The following CDYL variants were observed in gnomAD, a reference collection of about 807,000 sequenced individuals.
The protein encoded by CDYL is chromodomain Y-like protein.
A neutral mutation model predicts 47.3 loss-of-function variants in CDYL; 8 were observed. The ratio of observed to expected loss-of-function variants is 0.17; its 90% confidence interval spans 0.10 to 0.31. CDYL has a LOEUF of 0.31. Ranked by LOEUF, CDYL falls within the 10% of genes least tolerant of loss-of-function variation. CDYL has a pLI of 1.00. For synonymous variants in CDYL, 266 were observed against 265.0 expected, an observed-to-expected ratio of 1.00 and a Z score of -0.04; for missense variants, 471 against 701.4, an observed-to-expected ratio of 0.67 and a Z score of 3.71.
intron 1 of CDYL, among the ~76,000 whole-genome samples, chr6:4,885,528 C>G (rs947228045): frequency 8.5e-5 from 13 of 152,106 alleles, no homozygotes; most frequent in African/African-American, 1.2e-4. Flanking sequence ...GGAGTATATC[C>G]CCCACTGATA....
chr6:4,906,181 G>T (rs530276708), intron 2 of CDYL, among the ~76,000 whole-genome samples: 1 of 152,256 alleles, frequency 6.6e-6, no homozygotes, highest in African/African-American at 2.4e-5. Context: ...ATGGAAAACC[G>T]GATGGAGATT....
At chr6:4,837,918 C>A in intron 1 of CDYL, among the ~76,000 whole-genome samples, 1 of 151,366 alleles carries the variant, frequency 6.6e-6, no homozygotes, top group East Asian at 1.9e-4. Context: ...GGACTACAGG[C>A]GTGCACCAAC....
At chr6:4,792,560 A>G (rs1273770128) in intron 1 of CDYL, among the ~76,000 whole-genome samples, 2 of 151,754 alleles carry the variant, frequency 1.3e-5, no homozygotes. Flanking sequence ...CCTCCTGAGT[A>G]AAGTAGCTGG....
chr6:4,781,785 A>G (rs1758625140), intron 1 of CDYL, among the ~76,000 whole-genome samples: 1 of 152,180 alleles, frequency 6.6e-6, no homozygotes, highest in Non-Finnish European at 1.5e-5. Context: ...ACAGTTTTGG[A>G]TAACTGTGAT....
chr6:4,786,852 T>C (rs1422199304), intron 1 of CDYL, among the ~76,000 whole-genome samples: 2 of 152,210 alleles, frequency 1.3e-5, no homozygotes, highest in Admixed American at 1.3e-4. Context: ...CTGAGTGTTA[T>C]TGTCTGCATG....
chr6:4,939,207 A>T (rs9328279), intron 4 of CDYL, among the ~76,000 whole-genome samples: 37,559 of 152,188 alleles, frequency 0.25, 5,245 homozygotes, highest in Middle Eastern at 0.35. Flanking sequence ...CCAGCTGAGC[A>T]CTGCCCTTGG....
chr6:4,755,318 G>A (rs1354297178), intron 3 of CDYL, among the ~76,000 whole-genome samples: 4 of 151,280 alleles, frequency 2.6e-5, no homozygotes, highest in Non-Finnish European at 5.9e-5. Flanking sequence ...TGATCCACCT[G>A]CCTCGGCCTC....
intron 1 of CDYL, among the ~76,000 whole-genome samples, chr6:4,788,390 G>A (rs1020243863): frequency 1.4e-5 from 2 of 148,034 alleles, no homozygotes; most frequent in Admixed American, 6.8e-5. Flanking sequence ...GGCTGAGGCA[G>A]GAGAATCACT....
chr6:4,892,625 A>G (rs916846045), intron 2 of CDYL, among the ~76,000 whole-genome samples: 1 of 151,906 alleles, frequency 6.6e-6, no homozygotes, highest in African/African-American at 2.4e-5. Flanking sequence ...TGCTTTAAAC[A>G]GTATCTCCCT....
At chr6:4,760,309 C>G (rs915949214) in intron 3 of CDYL, among the ~76,000 whole-genome samples, 1 of 151,376 alleles carries the variant, frequency 6.6e-6, no homozygotes, top group African/African-American at 2.4e-5. Context: ...CCCTTTGGAG[C>G]TCCCCCTTGA....
intron 2 of CDYL, among the ~76,000 whole-genome samples, chr6:4,926,899 C>T (rs1041466078): frequency 1.3e-5 from 2 of 152,198 alleles, no homozygotes; most frequent in African/African-American, 4.8e-5. Context: ...AGGTACCACA[C>T]ACCTTTCAGG....
At chr6:4,853,211 C>G (rs1192715910) in intron 1 of CDYL, among the ~76,000 whole-genome samples, 1 of 152,146 alleles carries the variant, frequency 6.6e-6, no homozygotes, top group Non-Finnish European at 1.5e-5. Flanking sequence ...ATTCCGTAGC[C>G]ATTACTGAGC....
intron 1 of CDYL, among the ~76,000 whole-genome samples, chr6:4,866,438 T>C (rs900439505): frequency 1.3e-5 from 2 of 152,086 alleles, no homozygotes; most frequent in South Asian, 2.1e-4. Context: ...TCTACAGGAA[T>C]AGCAAGTATT....
chr6:4,777,016 C>A (rs1458227703), intron 1 of CDYL, among the ~76,000 whole-genome samples: 1 of 100,590 alleles, frequency 9.9e-6, no homozygotes, highest in African/African-American at 3.8e-5. Context: ...AGTTGCCGGG[C>A]GTGGGGTGGG....
chr6:4,876,604 G>T (rs550429182), intron 1 of CDYL, among the ~76,000 whole-genome samples: 2 of 152,204 alleles, frequency 1.3e-5, no homozygotes, highest in African/African-American at 4.8e-5. Flanking sequence ...ATGTTTAATT[G>T]ATAAGTAAAA....
chr6:4,798,697 A>G (rs961569898), intron 1 of CDYL, among the ~76,000 whole-genome samples: 1 of 152,212 alleles, frequency 6.6e-6, no homozygotes, highest in Non-Finnish European at 1.5e-5. Context: ...GGAGTTAGGA[A>G]GCACTTTCTC....
Position 4,715,661 on chromosome 6 carries a change from G to A in CDYL, c.-38-80G>A, listed in dbSNP as rs1004879686. The A allele has an allele frequency of 1.1e-5, 15 of 1,369,932 alleles. No homozygotes were observed. In the East Asian group the frequency reaches 1.2e-4, roughly 11 times the overall value. 84.9% of individuals were successfully genotyped at this position (1,369,932 alleles called of 1,614,324 possible). A position where few individuals can be genotyped will look rare whatever the true frequency, so the allele number is the denominator to read the frequency against. On this transcript the variant is annotated intron_variant, in intron 1 of 8. Coordinates refer to the CDYL transcript ENST00000328908. ...CTCTCAGATTCAATGTAGAACTGGT[G>A]AAAGTCATTAAATGCCATGAGCCTT...
intron 1 of CDYL, among the ~76,000 whole-genome samples, chr6:4,867,044 C>G (rs893981900): frequency 1.6e-4 from 24 of 152,108 alleles, no homozygotes; most frequent in African/African-American, 5.5e-4. Context: ...AGTCGCCTAG[C>G]ATTAACAATT....
At chr6:4,722,689 C>T (rs553329554) in intron 2 of CDYL, among the ~76,000 whole-genome samples, 60 of 152,290 alleles carry the variant, frequency 3.9e-4, no homozygotes, top group Middle Eastern at 3.4e-3. Context: ...CCAGCCTGAC[C>T]AACGTGGTGA....
Sources: allele counts gnomAD v4.1 joint callset (sites outside exome capture counted in the v4.1 genomes callset), GRCh38; gene constraint gnomAD v4.1.1; transcripts MANE v1.5; gene names NCBI Gene and HGNC (gene_info 2026-07-23, HGNC 2026-07-21).